SCARB1: variants seen among roughly 807,000 people sequenced by gnomAD.
SCARB1 encodes scavenger receptor class B member 1.
A neutral mutation model predicts 57.2 loss-of-function variants in SCARB1; 30 were observed. That is an observed-to-expected ratio of 0.52 (90% CI 0.39 to 0.71). SCARB1 has a LOEUF of 0.71. SCARB1 is among the 30% of genes least tolerant of loss of function. The pLI, the probability that SCARB1 is intolerant of heterozygous loss-of-function variation, is 0.00. For synonymous variants in SCARB1, 249 were observed against 268.3 expected, an observed-to-expected ratio of 0.93 and a Z score of 0.70; for missense variants, 543 against 671.2, an observed-to-expected ratio of 0.81 and a Z score of 2.11.
rs975102157 is a variant in SCARB1, at chr12:124,776,928, TATAA to T, written c.*1655_*1658del. ...TAATAAAAGGCTTAAAAGCATCAAA[TATAA>T]ATATCATTTAGATAAAATTTTAGGA... is the stretch of plus-strand genomic sequence containing the variant. On this transcript the variant is annotated 3_prime_UTR_variant, in exon 13 of 13. Transcript: ENST00000261693. The T allele has an allele frequency of 4.3e-4, 65 of 152,232 alleles. No individual in the cohort carries two copies. Among genetic ancestry groups the T allele is most frequent in the African/African-American group, 1.5e-3 (61 of 41,548 alleles). 9.4% of individuals were successfully genotyped at this position (152,232 alleles called of 1,614,324 possible).
At chr12:124,821,477 ATCTCTCTC>A in intron 1 of SCARB1, 3 of 887,540 alleles carry the variant, frequency 3.4e-6, no homozygotes, top group Non-Finnish European at 4.0e-6. Context: ...CCATGTCTCA[ATCTCTCTC>A]TCTCTCTCTC....
Position 124,783,081 on chromosome 12 carries a change from C to T in SCARB1, c.1402-270G>A. On this transcript the variant is annotated intron_variant, in intron 11 of 12. Coordinates refer to ENST00000261693, the MANE Select transcript of SCARB1 (RefSeq NM_005505.5). ...TTGAAAATTTAAGCCAGCGAGGAAG[C>T]AAGGTGGGGAGATGGGCCATGGAGA... 4 of 449,934 alleles carry T rather than the reference C, an allele frequency of 8.9e-6. 1 individual carries two copies. The South Asian group carries it at 9.7e-5, about 11-fold the overall frequency. 27.9% of individuals were successfully genotyped at this position (449,934 alleles called of 1,614,324 possible). A position where few individuals can be genotyped will look rare whatever the true frequency, so the allele number is the denominator to read the frequency against.
chr12:124,858,663 A>C (rs1952740837), intron 1 of SCARB1, among the ~76,000 whole-genome samples: 1 of 151,886 alleles, frequency 6.6e-6, no homozygotes, highest in Admixed American at 6.6e-5. Flanking sequence ...GCGGATCACG[A>C]GGTCAGGAGA....
intron 1 of SCARB1, among the ~76,000 whole-genome samples, chr12:124,846,017 A>AG (rs1555265616): frequency 6.6e-6 from 1 of 152,038 alleles, no homozygotes; most frequent in Non-Finnish European, 1.5e-5. Context: ...GTCTCAAAAA[A>AG]AAAGAAAGAA....
Position 124,837,624 on chromosome 12 carries a change from C to T in SCARB1, c.127-19917G>A, listed in dbSNP as rs76338893. 5.6e-4 allele frequency among the ~76,000 whole-genome samples: 84 copies of T among 148,946 alleles called. 1 individual carries two copies. Among genetic ancestry groups the T allele is most frequent in the African/African-American group, 1.9e-3 (72 of 38,660 alleles). On this transcript the variant is annotated intron_variant, in intron 1 of 12. Coordinates refer to ENST00000261693, the MANE Select transcript of SCARB1 (RefSeq NM_005505.5). The stretch of plus-strand genomic sequence containing the variant: ...TCAGCCAGCTGGGTGCAGTGCTGCA[C>T]GCCTGTAATCCCAACACTTTGGGAG...
chr12:124,809,061 A>G (rs1394045899), intron 6 of SCARB1, among the ~76,000 whole-genome samples: 1 of 152,202 alleles, frequency 6.6e-6, no homozygotes, highest in Non-Finnish European at 1.5e-5. Context: ...TCTCATTTTG[A>G]TAACAGCATT....
At chr12:124,818,734 AT>A (rs986476192) in intron 1 of SCARB1, among the ~76,000 whole-genome samples, 1 of 143,374 alleles carries the variant, frequency 7.0e-6, no homozygotes, top group African/African-American at 2.6e-5. Flanking sequence ...AAACCTCCAT[AT>A]TCCGGGTTCA....
At chr12:124,833,819 C>G (rs529261943) in intron 1 of SCARB1, among the ~76,000 whole-genome samples, 18 of 152,240 alleles carry the variant, frequency 1.2e-4, no homozygotes, top group Non-Finnish European at 2.4e-4. Flanking sequence ...GATGCTCACA[C>G]GTCCCCCGCT....
intron 1 of SCARB1, among the ~76,000 whole-genome samples, chr12:124,859,258 T>C (rs1169947069): frequency 6.6e-6 from 1 of 151,918 alleles, no homozygotes; most frequent in Non-Finnish European, 1.5e-5. Context: ...CCGGGCATGG[T>C]GGCTCACGCC....
intron 1 of SCARB1, among the ~76,000 whole-genome samples, chr12:124,824,983 G>A (rs1304390976): frequency 1.3e-5 from 2 of 152,094 alleles, no homozygotes; most frequent in Non-Finnish European, 2.9e-5. Flanking sequence ...CCAGCACTTT[G>A]GGAGGCTGGG....
intron 7 of SCARB1, among the ~76,000 whole-genome samples, chr12:124,806,691 T>C (rs838904): frequency 0.045 from 6,789 of 152,180 alleles, 527 homozygotes; most frequent in African/African-American, 0.15. Context: ...GGCCAGGTGT[T>C]TGAGACCAGC....
chr12:124,789,014 A>G lies in SCARB1; in HGVS notation c.1203-1557T>C, dbSNP rs2135551191. Among the ~76,000 whole-genome samples the G allele has an allele frequency of 6.6e-6, 1 of 152,352 alleles. No homozygotes were observed. The highest frequency in any genetic ancestry group is 1.5e-5 in the Non-Finnish European group (1 of 68,042). On this transcript the variant is annotated intron_variant, in intron 9 of 12. Transcript: ENST00000261693. This position sits in a 1 kb window ranked among gnomAD's most constrained non-coding sequence, Gnocchi z 4.4. ...GGATGGCGGGGAGTCACAGGAAACCATATTCTTCCCCTCAGGAAGATATGT... is the reference window on the plus strand; with the variant it reads ...GGATGGCGGGGAGTCACAGGAAACCGTATTCTTCCCCTCAGGAAGATATGT...
rs748253869 is a variant in SCARB1, at chr12:124,819,571, C to T, written c.127-1864G>A. On this transcript the variant is annotated intron_variant, in intron 1 of 12. Transcript: ENST00000261693. ...GTCCACCTGACCCCCACCCTCAACC[C>T]AGCCGGGACATATCTCGGGCCCCTC... Among the ~76,000 whole-genome samples the T allele has an allele frequency of 2.6e-5, 4 of 152,204 alleles. 1 individual carries two copies. The highest frequency in any genetic ancestry group is 1.3e-4 in the Admixed American group (2 of 15,290).
At chr12:124,791,328 G>C (rs1566142801) in intron 9 of SCARB1, among the ~76,000 whole-genome samples, 1 of 152,168 alleles carries the variant, frequency 6.6e-6, no homozygotes, top group Non-Finnish European at 1.5e-5. Context: ...CGAGCCTGCG[G>C]TGGCCTTGGG....
chr12:124,850,099 A>C (rs532686038), intron 1 of SCARB1, among the ~76,000 whole-genome samples: 2 of 125,194 alleles, frequency 1.6e-5, no homozygotes, highest in South Asian at 5.1e-4. Context: ...AAGGGTGGGC[A>C]CTGTGGCATA....
rs71092225 is a variant in SCARB1 at position 124,817,020 on chromosome 12, ATGTGTGTGTGTG to A, written c.284+518_284+529del. Among the ~76,000 whole-genome samples the A allele has an allele frequency of 4.1e-5, 6 of 146,058 alleles. No individual in the cohort carries two copies. The highest frequency in any genetic ancestry group is 7.6e-5 in the African/African-American group (3 of 39,628). ...GGTCGGTCCCTGCTCCTGGTCATGC[ATGTGTGTGTGTG>A]TGTGTGTGTGTGTGTGTATGTGTGT... is the stretch of plus-strand genomic sequence containing the variant. On this transcript the variant is annotated intron_variant, in intron 2 of 12. Coordinates refer to ENST00000261693, the MANE Select transcript of SCARB1 (RefSeq NM_005505.5). This position sits in a 1 kb window ranked among gnomAD's most constrained non-coding sequence, Gnocchi z 4.8.
At chr12:124,844,922 C>T (rs1274932828) in intron 1 of SCARB1, among the ~76,000 whole-genome samples, 2 of 151,380 alleles carry the variant, frequency 1.3e-5, no homozygotes, top group Non-Finnish European at 2.9e-5. Context: ...CAGACTCAGA[C>T]ACCCACCAGA....
Position 124,800,154 on chromosome 12 carries a change from C to T in SCARB1, c.1098G>A (p.Glu366=), listed in dbSNP as rs771447150. Residue 366 remains glutamate (E), a synonymous_variant, in exon 8 of 13, where the codon GAG becomes GAA. Transcript: ENST00000261693. The surrounding 1 kb of genome is among the most constrained non-coding windows in gnomAD (Gnocchi z 4.8). ...GGATGTCCAGGAACAAGGAGTGTGC[C>T]TCCTGGTTAGGGTGCAGGCCAGTCA... is the stretch of plus-strand genomic sequence containing the variant. ...EAVTGLHPNQ[E]AHSLFLDIHP... 1 of 1,614,006 alleles carries T rather than the reference C, an allele frequency of 6.2e-7. No individual in the cohort carries two copies. The highest frequency in any genetic ancestry group is 1.7e-5 in the Admixed American group (1 of 60,034).
intron 11 of SCARB1, chr12:124,784,001 C>T (rs554001757): frequency 1.6e-4 from 25 of 152,246 alleles, no homozygotes; most frequent in African/African-American, 6.0e-4. Flanking sequence ...ACAGCCTAGA[C>T]CTTCTGTGCT....
Sources: gnomAD v4.1 joint callset for allele counts (sites outside exome capture counted in the v4.1 genomes callset) on GRCh38, gnomAD v4.1.1 for gene constraint, Gnocchi (gnomAD v3.1) non-coding constraint, MANE v1.5 for transcripts, NCBI Gene and HGNC (gene_info 2026-07-23, HGNC 2026-07-21) for gene names.